Variants in KYNU observed in about 807,000 individuals in gnomAD.
The protein encoded by KYNU is L-kynurenine hydrolase.
Under a neutral mutation model 59.2 loss-of-function variants are expected in KYNU, and 54 were observed. The ratio of observed to expected loss-of-function variants is 0.91; its 90% CI spans 0.73 to 1.14. KYNU has a LOEUF of 1.14. KYNU is among the 50% of genes most tolerant of loss of function. The pLI is 0.00. For missense variants in KYNU, 567 were observed against 554.4 expected (o/e 1.02, Z -0.23); for synonymous variants, 177 against 192.0 (o/e 0.92, Z 0.65).
intron 8 of KYNU, among the ~76,000 whole-genome samples, chr2:142,965,751 T>G (rs992465831): frequency 3.2e-4 from 48 of 152,050 alleles, no homozygotes; most frequent in Non-Finnish European, 5.3e-4. Context: ...ATATTTCACA[T>G]CTATGGCCCT....
chr2:143,025,402 A>G (rs1686522360), intron 10 of KYNU, among the ~76,000 whole-genome samples: 1 of 152,076 alleles, frequency 6.6e-6, no homozygotes. Context: ...GCAGGAGGCT[A>G]GGGGAGAAAG....
intron 2 of KYNU, among the ~76,000 whole-genome samples, chr2:142,903,161 G>A: frequency 6.6e-6 from 1 of 152,130 alleles, no homozygotes; most frequent in Non-Finnish European, 1.5e-5. Context: ...TAGGAGTAGG[G>A]CTTTTAGGTC....
chr2:142,907,291 T>C (rs1207342601), intron 2 of KYNU, among the ~76,000 whole-genome samples: 1 of 152,178 alleles, frequency 6.6e-6, no homozygotes, highest in Non-Finnish European at 1.5e-5. Context: ...GTGAGTGTTA[T>C]AGCTCTATCA....
intron 3 of KYNU, among the ~76,000 whole-genome samples, chr2:142,923,358 T>C (rs1445840165): frequency 6.6e-6 from 1 of 152,248 alleles, no homozygotes. Flanking sequence ...ATATTTGTTT[T>C]GCAAAATGGC....
intron 3 of KYNU, among the ~76,000 whole-genome samples, chr2:142,925,305 C>T (rs1683014885): frequency 6.6e-6 from 1 of 152,108 alleles, no homozygotes; most frequent in Non-Finnish European, 1.5e-5. Flanking sequence ...TAATAACTAA[C>T]AATTGCCCCT....
rs541263129 is a variant in KYNU at position 143,049,623 on chromosome 2, G to A, written c.*7451G>A. On this transcript the variant is annotated 3_prime_UTR_variant, in exon 14 of 14. Coordinates refer to ENST00000264170, the MANE Select transcript of KYNU (RefSeq NM_003937.3). ...GATCCCCTTCACTTCCTCTGTTACA[G>A]GTTTCCCTGATGAGCACTCCTTCAA... 1 of 152,250 alleles carries A rather than the reference G, an allele frequency of 6.6e-6. No individual in the cohort carries two copies. The highest frequency in any genetic ancestry group is 2.4e-5 in the African/African-American group (1 of 41,538). The allele number at this position is 152,250 out of a possible 1,614,324, so 9.4% of individuals were successfully genotyped here. A position where few individuals can be genotyped will look rare whatever the true frequency, so the allele number is the denominator to read the frequency against.
At position 143,042,146 on chromosome 2, in the gene KYNU, C is replaced by G; in HGVS notation, c.1372C>G (p.Leu458Val). ...ATTTACCAATCTGCTCACTTCTATA[C>G]TTGACTCTGCAGAAACAAAAAATTA... ...YKFTNLLTSI[L>V]DSAETKN The change falls in exon 14 of 14, where the codon CTT becomes GTT. Residue 458 changes from leucine to valine, a missense_variant. Physicochemically the swap from Leu to Val is conservative, Grantham distance 32. Coordinates refer to ENST00000264170, the MANE Select transcript of KYNU (RefSeq NM_003937.3). 1 of 1,609,970 alleles carries G rather than the reference C, an allele frequency of 6.2e-7. No homozygotes were observed. The highest frequency in any genetic ancestry group is 8.5e-7 in the Non-Finnish European group (1 of 1,178,310).
intron 8 of KYNU, among the ~76,000 whole-genome samples, chr2:142,963,106 A>G (rs550794874): frequency 6.6e-6 from 1 of 152,206 alleles, no homozygotes; most frequent in African/African-American, 2.4e-5. Context: ...TAAAATCTTC[A>G]TAGTCATGTG....
At chr2:142,959,349 G>A (rs573691143) in intron 7 of KYNU, among the ~76,000 whole-genome samples, 4 of 152,194 alleles carry the variant, frequency 2.6e-5, no homozygotes, top group African/African-American at 4.8e-5. Flanking sequence ...CACTTTGAGA[G>A]TTTGAGACAG....
At chr2:143,005,127 G>A (rs1685831839) in intron 10 of KYNU, among the ~76,000 whole-genome samples, 4 of 152,246 alleles carry the variant, frequency 2.6e-5, no homozygotes, top group Admixed American at 2.6e-4. Flanking sequence ...TAGTGGAGAT[G>A]TGAGGTATTT....
chr2:142,882,488 C>T (rs1681336849), intron 1 of KYNU, among the ~76,000 whole-genome samples: 1 of 152,288 alleles, frequency 6.6e-6, no homozygotes, highest in South Asian at 2.1e-4. Context: ...CATCCCCCCA[C>T]TCCACGACAG....
intron 8 of KYNU, among the ~76,000 whole-genome samples, chr2:142,973,585 C>T (rs949862518): frequency 1.2e-4 from 19 of 152,254 alleles, no homozygotes; most frequent in Admixed American, 5.2e-4. Context: ...CAGCAGCTTT[C>T]CCTCTAATTA....
intron 10 of KYNU, among the ~76,000 whole-genome samples, chr2:143,013,298 C>CTCTGTGTGTGTGTG (rs72349700): frequency 2.7e-5 from 4 of 149,466 alleles, no homozygotes; most frequent in African/African-American, 9.9e-5. Context: ...GTCTCTTTCT[C>CTCTGTGTGTGTGTG]TGTGTGTGTG....
rs1365533019 is a variant in KYNU, at chr2:143,045,893, A to G, written c.*3721A>G. ...GCTTAGTAGGAGAAACATATGTTGA[A>G]CTTGTAAGCAGAGAAGTAAATCTAT... On this transcript the variant is annotated 3_prime_UTR_variant, in exon 14 of 14. Transcript: ENST00000264170. 6.6e-6 allele frequency: 1 copy of G among 152,174 alleles called. No individual in the cohort carries two copies. The highest frequency in any genetic ancestry group is 2.4e-5 in the African/African-American group (1 of 41,460). 9.4% of individuals were successfully genotyped at this position (152,174 alleles called of 1,614,324 possible).
chr2:143,011,144 A>G (rs1387202765), intron 10 of KYNU, among the ~76,000 whole-genome samples: 1 of 145,962 alleles, frequency 6.9e-6, no homozygotes, highest in Admixed American at 6.8e-5. Context: ...AATGGGAGAC[A>G]ATTTTTGCAA....
In KYNU at chr2:142,942,175, GA is replaced by G. The variant is rs902662290; in HGVS notation, c.374-12623del. Among the ~76,000 whole-genome samples, 527 of 118,446 alleles carry G rather than the reference GA, an allele frequency of 4.4e-3. 2 individuals carry two copies. Among genetic ancestry groups the G allele is most frequent in the African/African-American group, 0.012 (394 of 33,156 alleles). The allele number at this position is 118,446 out of a possible 152,430, so 77.7% of individuals were successfully genotyped here. Reference sequence around the variant, plus strand: ...CTGGGTGACAGAAAAAAAAAAAAAAGAAAAAAAAAAAAGAAAAATGTGTAAC... The same window carrying G: ...CTGGGTGACAGAAAAAAAAAAAAAAGAAAAAAAAAAAGAAAAATGTGTAAC... On this transcript the variant is annotated intron_variant, in intron 4 of 13. Transcript: ENST00000264170.
At chr2:142,912,753 A>T (rs1682531814) in intron 2 of KYNU, among the ~76,000 whole-genome samples, 1 of 120,768 alleles carries the variant, frequency 8.3e-6, no homozygotes, top group Non-Finnish European at 1.6e-5. Flanking sequence ...TCTGTCACCC[A>T]GGCTGGAGTG....
At chr2:142,981,957 T>C (rs1019091935) in intron 8 of KYNU, among the ~76,000 whole-genome samples, 13 of 152,106 alleles carry the variant, frequency 8.5e-5, no homozygotes, top group Admixed American at 7.9e-4. Flanking sequence ...GGACAATATT[T>C]AAACAAATGA....
intron 3 of KYNU, among the ~76,000 whole-genome samples, chr2:142,923,986 T>C (rs1682969598): frequency 6.6e-6 from 1 of 152,154 alleles, no homozygotes; most frequent in South Asian, 2.1e-4. Flanking sequence ...TCTAGTCTCA[T>C]TTAATTTAAG....
Sources: gnomAD v4.1 joint callset for allele counts (sites outside exome capture counted in the v4.1 genomes callset) on GRCh38, gnomAD v4.1.1 for gene constraint, MANE v1.5 for transcripts, NCBI Gene and HGNC (gene_info 2026-07-23, HGNC 2026-07-21) for gene names.